The following SLCO3A1 variants were observed in gnomAD, a reference collection of about 807,000 sequenced individuals.
SLCO3A1 encodes the protein PGE1 transporter.
A neutral mutation model predicts 63.1 loss-of-function variants in SLCO3A1; 27 were observed. The ratio of observed to expected loss-of-function variants is 0.43; its 90% CI spans 0.32 to 0.59. The LOEUF (loss-of-function observed/expected upper bound fraction) is 0.59, where lower values mean the gene tolerates loss of function less well. Among genes scored for constraint, SLCO3A1 ranks in the 20% least tolerant of loss-of-function variants. SLCO3A1 has a pLI of 0.09. For synonymous variants in SLCO3A1, 473 were observed against 409.9 expected, an observed-to-expected ratio of 1.15 and a Z score of -1.86; for missense variants, 773 against 945.8, an observed-to-expected ratio of 0.82 and a Z score of 2.40.
At chr15:92,109,970 C>G (rs988902883) in intron 4 of SLCO3A1, among the ~76,000 whole-genome samples, 2 of 152,048 alleles carry the variant, frequency 1.3e-5, no homozygotes, top group African/African-American at 4.8e-5. Context: ...TGCTCTTTCC[C>G]GTTTCCTGTA....
chr15:92,022,334 G>C (rs1437788738), intron 2 of SLCO3A1, among the ~76,000 whole-genome samples: 2 of 152,276 alleles, frequency 1.3e-5, no homozygotes, highest in East Asian at 3.9e-4. Context: ...CTGTGCGTGT[G>C]AACATTCTAC....
chr15:92,065,461 AC>A (rs2047139677), intron 2 of SLCO3A1, among the ~76,000 whole-genome samples: 1 of 152,192 alleles, frequency 6.6e-6, no homozygotes, highest in Non-Finnish European at 1.5e-5. Flanking sequence ...AATGTGTACA[AC>A]TATTAGGTAT....
At chr15:92,158,332 G>A (rs980910430) in intron 9 of SLCO3A1, among the ~76,000 whole-genome samples, 1 of 152,172 alleles carries the variant, frequency 6.6e-6, no homozygotes, top group African/African-American at 2.4e-5. Context: ...TCCCCAATAA[G>A]AGCTCTAAAG....
At chr15:92,097,590 G>C (rs2047555241) in intron 3 of SLCO3A1, among the ~76,000 whole-genome samples, 1 of 152,224 alleles carries the variant, frequency 6.6e-6, no homozygotes, top group African/African-American at 2.4e-5. Context: ...ATGTAAGGCA[G>C]GTGGGCTCCT....
At chr15:91,871,972 G>A (rs1897292969) in intron 1 of SLCO3A1, among the ~76,000 whole-genome samples, 2 of 151,912 alleles carry the variant, frequency 1.3e-5, no homozygotes. Context: ...TTATGGTTTT[G>A]TTTTGCTGAT....
chr15:91,932,303 T>G (rs1411682140), intron 2 of SLCO3A1, among the ~76,000 whole-genome samples: 1 of 152,172 alleles, frequency 6.6e-6, no homozygotes, highest in Non-Finnish European at 1.5e-5. Flanking sequence ...ATATTCAAAA[T>G]TAAAAAGGAT....
downstream of SLCO3A1, among the ~76,000 whole-genome samples, chr15:92,167,509 C>G (rs78832689): frequency 6.6e-6 from 1 of 152,186 alleles, no homozygotes; most frequent in South Asian, 2.1e-4. Context: ...CTGCTCCGCC[C>G]GACTTATTCC....
intron 2 of SLCO3A1, among the ~76,000 whole-genome samples, chr15:92,087,707 G>A (rs757777559): frequency 3.4e-4 from 51 of 151,946 alleles, no homozygotes; most frequent in Middle Eastern, 6.8e-3. Flanking sequence ...TAGTAGAGTC[G>A]GGGTTGTCTC....
chr15:91,934,848 A>G (rs1899351964), intron 2 of SLCO3A1, among the ~76,000 whole-genome samples: 1 of 152,152 alleles, frequency 6.6e-6, no homozygotes, highest in African/African-American at 2.4e-5. Context: ...TCCGTAAGTT[A>G]CTGCCCTTCC....
chr15:91,901,749 A>C (rs774941380), intron 1 of SLCO3A1, among the ~76,000 whole-genome samples: 4 of 152,130 alleles, frequency 2.6e-5, no homozygotes, highest in Non-Finnish European at 5.9e-5. Flanking sequence ...TGCTGCTTTC[A>C]CAATTTTCTG....
chr15:92,115,815 C>CAAAAAAA lies in SLCO3A1; in HGVS notation c.1010-4633_1010-4627dup, dbSNP rs765666191. ...CCTCTCTTCCCTAGTTCTCTTCCCT[C>CAAAAAAA]AAAAAAAAAAAAAAAAAAAAAAATG... On this transcript the variant is annotated intron_variant, in intron 4 of 9. Coordinates refer to ENST00000318445, the MANE Select transcript of SLCO3A1 (RefSeq NM_013272.4). Among the ~76,000 whole-genome samples, 11 of 86,706 alleles carry CAAAAAAA rather than the reference C, an allele frequency of 1.3e-4. 1 individual carries two copies. The highest frequency in any genetic ancestry group is 1.9e-4 in the Non-Finnish European group (9 of 47,730). 56.9% of individuals were successfully genotyped at this position (86,706 alleles called of 152,430 possible).
chr15:91,879,899 T>C (rs531334161), intron 1 of SLCO3A1, among the ~76,000 whole-genome samples: 60 of 152,270 alleles, frequency 3.9e-4, no homozygotes, highest in South Asian at 3.3e-3. Flanking sequence ...ACAGAGATTT[T>C]ATGTAAGGAC....
chr15:92,027,345 G>A (rs1235813619), intron 2 of SLCO3A1, among the ~76,000 whole-genome samples: 1 of 152,224 alleles, frequency 6.6e-6, no homozygotes, highest in Non-Finnish European at 1.5e-5. Flanking sequence ...TAAACTTTGT[G>A]TAAGACACAG....
chr15:91,938,210 T>C (rs951665196), intron 2 of SLCO3A1, among the ~76,000 whole-genome samples: 3 of 152,212 alleles, frequency 2.0e-5, no homozygotes, highest in Non-Finnish European at 4.4e-5. Context: ...AATGGGGTAA[T>C]ACTATCTGCG....
chr15:92,109,250 C>G (rs992709677), intron 4 of SLCO3A1, among the ~76,000 whole-genome samples: 1 of 152,108 alleles, frequency 6.6e-6, no homozygotes, highest in Non-Finnish European at 1.5e-5. Flanking sequence ...TGAACCCGGG[C>G]GAAGGCTCCA....
intron 2 of SLCO3A1, among the ~76,000 whole-genome samples, chr15:91,969,514 C>T (rs192017949): frequency 8.5e-5 from 13 of 152,220 alleles, no homozygotes; most frequent in Admixed American, 4.6e-4. Flanking sequence ...TCCATGTTGG[C>T]CAGGCTGGTC....
intron 2 of SLCO3A1, among the ~76,000 whole-genome samples, chr15:92,046,575 G>A (rs2151491926): frequency 6.6e-6 from 1 of 152,158 alleles, no homozygotes; most frequent in East Asian, 1.9e-4. Flanking sequence ...TTTCTTTTCT[G>A]TGCACATGTG....
intron 2 of SLCO3A1, among the ~76,000 whole-genome samples, chr15:91,969,395 T>G (rs1247556551): frequency 6.6e-6 from 1 of 151,898 alleles, no homozygotes; most frequent in Non-Finnish European, 1.5e-5. Context: ...AACCTCCACC[T>G]CCTAGGTTCA....
At chr15:91,987,379 A>T (rs1163486761) in intron 2 of SLCO3A1, among the ~76,000 whole-genome samples, 1 of 152,122 alleles carries the variant, frequency 6.6e-6, no homozygotes, top group Non-Finnish European at 1.5e-5. Context: ...TGCTCTGGGG[A>T]TACAACGGTG....
Sources: gnomAD v4.1 joint callset for allele counts (sites outside exome capture counted in the v4.1 genomes callset) on GRCh38, gnomAD v4.1.1 for gene constraint, MANE v1.5 for transcripts, NCBI Gene and HGNC (gene_info 2026-07-23, HGNC 2026-07-21) for gene names.